Variants in PHF24 observed in about 807,000 individuals in gnomAD.
The protein encoded by PHF24 is Galpha inhibitory interacting protein.
Under a neutral mutation model 42.6 loss-of-function variants are expected in PHF24, and 25 were observed. The ratio of observed to expected loss-of-function variants is 0.59; its 90% CI spans 0.43 to 0.82. The LOEUF (loss-of-function observed/expected upper bound fraction) is 0.82, where lower values mean the gene tolerates loss of function less well. Among genes scored for constraint, PHF24 ranks in the 40% least tolerant of loss-of-function variants. PHF24 has a pLI of 0.00. For missense variants in PHF24, 470 were observed against 538.1 expected, an observed-to-expected ratio of 0.87 and a Z score of 1.25; for synonymous variants, 185 against 204.8, an observed-to-expected ratio of 0.90 and a Z score of 0.83.
chr9:34,845,438 A>T, the PHF24 span, among the ~76,000 whole-genome samples: 1 of 151,796 alleles, frequency 6.6e-6, no homozygotes, highest in Non-Finnish European at 1.5e-5. Context: ...TTGAGGTTAG[A>T]TGATTTTCTC....
chr9:34,874,750 T>C, the PHF24 span, among the ~76,000 whole-genome samples: 6 of 152,220 alleles, frequency 3.9e-5, no homozygotes. Flanking sequence ...GGTAAGTTAG[T>C]AGTGTCCGTT....
At chr9:34,770,527 T>A in the PHF24 span, among the ~76,000 whole-genome samples, 1 of 152,178 alleles carries the variant, frequency 6.6e-6, no homozygotes, top group Non-Finnish European at 1.5e-5. Context: ...ATAATTATTC[T>A]CACATTTAAG....
At chr9:34,667,087 G>A in the PHF24 span, among the ~76,000 whole-genome samples, 3 of 152,232 alleles carry the variant, frequency 2.0e-5, no homozygotes, top group African/African-American at 4.8e-5. Context: ...GAAGTAGAAG[G>A]TGTCAAGAAA....
the PHF24 span, among the ~76,000 whole-genome samples, chr9:34,936,938 A>G: frequency 7.0e-6 from 1 of 142,246 alleles, no homozygotes; most frequent in African/African-American, 2.7e-5. Context: ...GGAAGTGAGG[A>G]GCGTCTCCAC....
chr9:34,940,191 A>G, the PHF24 span, among the ~76,000 whole-genome samples: 2 of 152,182 alleles, frequency 1.3e-5, no homozygotes, highest in Admixed American at 1.3e-4. Context: ...TTGCACTAAG[A>G]TAGGGGAGCT....
At chr9:34,716,565 CTTTGT>C in the PHF24 span, among the ~76,000 whole-genome samples, 50,338 of 148,014 alleles carry the variant, frequency 0.34, 8,669 homozygotes, top group Admixed American at 0.37. Context: ...TTTTGTTTTG[CTTTGT>C]TTTGTTTTGT....
chr9:34,842,156 A>G, the PHF24 span, among the ~76,000 whole-genome samples: 1 of 152,266 alleles, frequency 6.6e-6, no homozygotes, highest in East Asian at 1.9e-4. Context: ...GTTGTTTTGT[A>G]TATTATTAGT....
At chr9:34,969,089 G>A in intron 1 of PHF24, among the ~76,000 whole-genome samples, 1 of 152,150 alleles carries the variant, frequency 6.6e-6, no homozygotes, top group Non-Finnish European at 1.5e-5. Flanking sequence ...CTGAAATAAG[G>A]CCATTATGGT....
At chr9:34,970,110 T>A (rs1321974934) in intron 1 of PHF24, among the ~76,000 whole-genome samples, 1 of 152,204 alleles carries the variant, frequency 6.6e-6, no homozygotes, top group Non-Finnish European at 1.5e-5. Flanking sequence ...TAGAATGGAT[T>A]GAGAGCAAGG....
chr9:34,904,510 A>G, the PHF24 span, among the ~76,000 whole-genome samples: 1 of 151,916 alleles, frequency 6.6e-6, no homozygotes, highest in Non-Finnish European at 1.5e-5. Context: ...AATTCTGTTT[A>G]TGTGATATAT....
At chr9:34,879,366 ATGAGT>A in the PHF24 span, among the ~76,000 whole-genome samples, 1 of 152,222 alleles carries the variant, frequency 6.6e-6, no homozygotes, top group Non-Finnish European at 1.5e-5. Flanking sequence ...AATGACTTTG[ATGAGT>A]TGAGAGAAGA....
At chr9:34,701,799 C>T in the PHF24 span, among the ~76,000 whole-genome samples, 1 of 152,204 alleles carries the variant, frequency 6.6e-6, no homozygotes, top group African/African-American at 2.4e-5. The surrounding 1 kb of genome is among the most constrained non-coding windows in gnomAD (Gnocchi z 5.8). Context: ...CGGGGCCGGC[C>T]CAGCCCGGTG....
At chr9:34,698,955 GCTT>G in the PHF24 span, among the ~76,000 whole-genome samples, 1 of 152,248 alleles carries the variant, frequency 6.6e-6, no homozygotes, top group Non-Finnish European at 1.5e-5. Flanking sequence ...GTAAGGCCAT[GCTT>G]CTTCTGCTAA....
At chr9:34,766,857 G>A in the PHF24 span, among the ~76,000 whole-genome samples, 2 of 152,122 alleles carry the variant, frequency 1.3e-5, no homozygotes, top group African/African-American at 2.4e-5. Flanking sequence ...CTTTGATGAT[G>A]GTGATGTACA....
At chr9:34,920,921 A>G in the PHF24 span, among the ~76,000 whole-genome samples, 1 of 152,186 alleles carries the variant, frequency 6.6e-6, no homozygotes, top group Non-Finnish European at 1.5e-5. Context: ...GTTTTTGCAA[A>G]TACAAGATTA....
chr9:34,895,505 T>TA, the PHF24 span: 1 of 398,314 alleles, frequency 2.5e-6, no homozygotes, highest in African/African-American at 2.1e-5. Flanking sequence ...GGGCTAAGAG[T>TA]AACAAGAGAA....
the PHF24 span, among the ~76,000 whole-genome samples, chr9:34,700,022 G>A: frequency 6.6e-6 from 1 of 152,232 alleles, no homozygotes; most frequent in East Asian, 1.9e-4. Flanking sequence ...CCTGATGAAG[G>A]TGAGGGAGAA....
the PHF24 span, among the ~76,000 whole-genome samples, chr9:34,775,020 G>C: frequency 6.6e-6 from 1 of 152,090 alleles, no homozygotes; most frequent in Non-Finnish European, 1.5e-5. Context: ...AAAATTAAAG[G>C]ATTACCATAT....
chr9:34,872,552 C>G, the PHF24 span, among the ~76,000 whole-genome samples: 438 of 149,364 alleles, frequency 2.9e-3, no homozygotes, highest in African/African-American at 0.01. Flanking sequence ...TTTTTTATGG[C>G]TGCATAGTAT....
Sources: gnomAD v4.1 joint callset for allele counts (sites outside exome capture counted in the v4.1 genomes callset) on GRCh38, gnomAD v4.1.1 for gene constraint, Gnocchi (gnomAD v3.1) non-coding constraint, MANE v1.5 for transcripts, NCBI Gene and HGNC (gene_info 2026-07-23, HGNC 2026-07-21) for gene names.